Variants in NCOR2 observed in about 807,000 individuals in gnomAD.
NCOR2 encodes CTG repeat protein 26.
NCOR2 carries 81 observed loss-of-function variants against 262.9 expected under a neutral mutation model. The observed-to-expected ratio is 0.31, with a 90% CI of 0.26 to 0.37. NCOR2 has a LOEUF of 0.37. NCOR2 is among the 10% of genes least tolerant of loss of function. NCOR2 has a pLI of 1.00. For synonymous variants in NCOR2, 1,659 were observed against 1,559.3 expected, an observed-to-expected ratio of 1.06 and a Z score of -1.51; for missense variants, 3,385 against 3,621.4, an observed-to-expected ratio of 0.93 and a Z score of 1.68.
rs1033745305 is a variant in NCOR2, at chr12:124,523,842, G to A, written c.-118+11723C>T. Among the ~76,000 whole-genome samples the A allele has an allele frequency of 6.6e-6, 1 of 152,168 alleles. No individual in the cohort carries two copies. Among genetic ancestry groups the A allele is most frequent in the Non-Finnish European group, 1.5e-5 (1 of 68,024 alleles). On this transcript the variant is annotated intron_variant, in intron 1 of 46. Transcript: ENST00000404621. The surrounding 1 kb of genome is among the most constrained non-coding windows in gnomAD (Gnocchi z 4.0). Reference sequence around the variant, plus strand: ...AGTGAAGTGACTTGCCCAAGGGGACGGGGCTGGGAAGTGGCAATGTCGGTT... The same window carrying A: ...AGTGAAGTGACTTGCCCAAGGGGACAGGGCTGGGAAGTGGCAATGTCGGTT...
exon 2 of NCOR2, chr12:124,486,472 G>A: frequency 6.2e-7 from 1 of 1,612,566 alleles, no homozygotes; most frequent in South Asian, 1.1e-5. Context: ...TCAGACAGCA[G>A]GGAGGGCCTC....
chr12:124,331,991 T>G, intron 43 of NCOR2: 1 of 330,712 alleles, frequency 3.0e-6, no homozygotes, highest in South Asian at 3.3e-5. Context: ...GCCACACAGG[T>G]GCTGAGTGTG....
chr12:124,335,034 C>T, intron 40 of NCOR2, 101 bp downstream of exon 42: 2 of 1,572,650 alleles, frequency 1.3e-6, no homozygotes, highest in South Asian at 2.2e-5. Context: ...CCCCCAGCCA[C>T]CCCGCCAGGA....
intron 16 of NCOR2, chr12:124,388,565 C>T (rs1441545890): frequency 9.2e-7 from 1 of 1,085,464 alleles, no homozygotes; most frequent in Non-Finnish European, 1.2e-6. Context: ...CCCCCATCCA[C>T]TCCAGGGGCC....
chr12:124,497,976 G>C (rs2048463815), upstream of NCOR2, among the ~76,000 whole-genome samples: 4 of 152,190 alleles, frequency 2.6e-5, no homozygotes, highest in South Asian at 8.3e-4. This position sits in a 1 kb window ranked among gnomAD's most constrained non-coding sequence, Gnocchi z 4.2. Context: ...CTTCCTGCTA[G>C]AGCTCGGCTC....
chr12:124,531,553 A>T lies in NCOR2; in HGVS notation c.-118+4012T>A, dbSNP rs994976043. 2.0e-5 allele frequency among the ~76,000 whole-genome samples: 3 copies of T among 152,102 alleles called. No individual in the cohort carries two copies. The highest frequency in any genetic ancestry group is 4.4e-5 in the Non-Finnish European group (3 of 68,002). ...GGGAGGGGAGGAAGGGATTGCAGGG[A>T]GCCCCCGCCCAGGGCTGAGCATCCA... On this transcript the variant is annotated intron_variant, in intron 1 of 46. Coordinates refer to the NCOR2 transcript ENST00000404621. This position sits in a 1 kb window ranked among gnomAD's most constrained non-coding sequence, Gnocchi z 4.5.
intron 7 of NCOR2, among the ~76,000 whole-genome samples, chr12:124,441,313 C>T (rs1257612833): frequency 6.6e-6 from 1 of 152,174 alleles, no homozygotes; most frequent in African/African-American, 2.4e-5. Context: ...TGAAGGTTTC[C>T]GGCTGCCAGA....
intron 1 of NCOR2, among the ~76,000 whole-genome samples, chr12:124,488,283 A>T (rs944917913): frequency 6.6e-6 from 1 of 152,124 alleles, no homozygotes; most frequent in Non-Finnish European, 1.5e-5. Context: ...ATCCATGGGG[A>T]CCCTGGCAGC....
At chr12:124,501,060 GCGCACACA>G (rs2048698081) in intron 1 of NCOR2, among the ~76,000 whole-genome samples, 105 of 48,820 alleles carry the variant, frequency 2.2e-3, no homozygotes, top group African/African-American at 6.1e-3. Context: ...GCGCGCACGC[GCGCACACA>G]CACACACACA....
chr12:124,334,220 G>A (rs1386502829), intron 41 of NCOR2: 9 of 504,174 alleles, frequency 1.8e-5, no homozygotes, highest in Non-Finnish European at 3.5e-6. Flanking sequence ...AACCCACTGA[G>A]CACAGCATGT....
chr12:124,378,717 C>A lies in NCOR2; in HGVS notation c.2020-333G>T, dbSNP rs2040198691. 6.6e-6 allele frequency among the ~76,000 whole-genome samples: 1 copy of A among 152,206 alleles called. No homozygotes were observed. The highest frequency in any genetic ancestry group is 1.5e-5 in the Non-Finnish European group (1 of 68,046). Reference sequence around the variant, plus strand: ...CGAGTGACCACGCCTCCTGGGGACACCCTGTCAGCTTCATCGGCACACGTG... The same window carrying A: ...CGAGTGACCACGCCTCCTGGGGACAACCTGTCAGCTTCATCGGCACACGTG... On this transcript the variant is annotated intron_variant, in intron 17 of 46. Transcript: ENST00000405201. The surrounding 1 kb of genome is among the most constrained non-coding windows in gnomAD (Gnocchi z 4.2).
chr12:124,329,070 T>A lies in NCOR2; in HGVS notation c.6959-1437A>T, dbSNP rs1302409331. 5 of 469,098 alleles carry A rather than the reference T, an allele frequency of 1.1e-5. No individual in the cohort carries two copies. The Admixed American group carries it at 1.2e-4, about 11-fold the overall frequency. The allele number at this position is 469,098 out of a possible 1,614,324, so 29.1% of individuals were successfully genotyped here. A position where few individuals can be genotyped will look rare whatever the true frequency, so the allele number is the denominator to read the frequency against. On this transcript the variant is annotated intron_variant, in intron 44 of 46. Transcript: ENST00000405201. ...TGACCTGATGGAGCTGGCTCCAGGCTTAACGATCTCCATTTATAAAGGTGA... is the reference window on the plus strand; with the variant it reads ...TGACCTGATGGAGCTGGCTCCAGGCATAACGATCTCCATTTATAAAGGTGA...
intron 37 of NCOR2, among the ~76,000 whole-genome samples, chr12:124,339,458 AC>A (rs1236071654): frequency 7.0e-6 from 1 of 143,654 alleles, no homozygotes; most frequent in Non-Finnish European, 1.5e-5. Flanking sequence ...CCATCTACTT[AC>A]CTACCTAACG....
At chr12:124,556,718 T>C (rs1441429926) in intron 1 of NCOR2, among the ~76,000 whole-genome samples, 2 of 152,004 alleles carry the variant, frequency 1.3e-5, no homozygotes, top group Admixed American at 6.6e-5. Context: ...AAATTAGCCA[T>C]GTGCGCCTAT....
intron 10 of NCOR2, among the ~76,000 whole-genome samples, chr12:124,429,084 G>A (rs555140172): frequency 4.7e-4 from 72 of 152,350 alleles, no homozygotes; most frequent in African/African-American, 1.6e-3. Flanking sequence ...AGGGGAAACC[G>A]GCCCTGCTCC....
chr12:124,495,202 G>T lies in NCOR2; in HGVS notation c.50C>A (p.Pro17His). 6.2e-7 allele frequency: 1 copy of T among 1,613,890 alleles called. No homozygotes were observed. Among genetic ancestry groups the T allele is most frequent in the Admixed American group, 1.7e-5 (1 of 60,008 alleles). ...GGAAAGGCTGTGGGGCGGGTAGCGG[G>T]GCTCAGTGGCCCTCCACGTCTGTGC... Residue 17 changes from proline (P) to histidine (H), a missense_variant, in exon 1 of 47, where the codon CCC becomes CAC. By Grantham distance (77) the Pro-to-His change is moderately conservative (BLOSUM62 -2). Coordinates refer to ENST00000405201, the Ensembl canonical transcript of NCOR2. The surrounding 1 kb of genome is among the most constrained non-coding windows in gnomAD (Gnocchi z 4.4).
intron 22 of NCOR2, among the ~76,000 whole-genome samples, chr12:124,361,122 CAAAA>C (rs33951841): frequency 3.8e-4 from 47 of 122,472 alleles, no homozygotes; most frequent in East Asian, 6.1e-4. Flanking sequence ...CCGTCTCAAA[CAAAA>C]AAAAAAAAAA....
intron 44 of NCOR2, chr12:124,328,802 G>A (rs2034919756): frequency 4.1e-6 from 1 of 242,812 alleles, no homozygotes; most frequent in Non-Finnish European, 8.3e-6. Flanking sequence ...TGCGGGTGAT[G>A]CAGATGCTTT....
At chr12:124,430,036 T>A (rs1226175936) in intron 9 of NCOR2, among the ~76,000 whole-genome samples, 4 of 151,244 alleles carry the variant, frequency 2.6e-5, no homozygotes, top group African/African-American at 9.8e-5. Context: ...CTCAGTTTCC[T>A]CCCCTGTCAT....
Sources: allele counts gnomAD v4.1 joint callset (sites outside exome capture counted in the v4.1 genomes callset), GRCh38; gene constraint gnomAD v4.1.1; non-coding constraint Gnocchi (gnomAD v3.1); transcripts MANE v1.5; gene names NCBI Gene and HGNC (gene_info 2026-07-23, HGNC 2026-07-21).